COQ8A: variants seen among roughly 807,000 people sequenced by gnomAD.
The protein encoded by COQ8A is atypical kinase COQ8A, mitochondrial.
A neutral mutation model predicts 65.0 loss-of-function variants in COQ8A; 51 were observed. That is an observed-to-expected ratio of 0.78 (90% CI 0.63 to 0.99). The LOEUF (loss-of-function observed/expected upper bound fraction) is 0.99. Ranked by LOEUF, COQ8A falls within the 50% of genes least tolerant of loss-of-function variation. COQ8A has a pLI of 0.00. For synonymous variants in COQ8A, 371 were observed against 353.2 expected, an observed-to-expected ratio of 1.05 and a Z score of -0.57; for missense variants, 940 against 875.0, an observed-to-expected ratio of 1.07 and a Z score of -0.94.
chr1:226,947,523 G>T (rs187041545), intron 1 of COQ8A, among the ~76,000 whole-genome samples: 5 of 152,240 alleles, frequency 3.3e-5, no homozygotes, highest in Non-Finnish European at 7.4e-5. Context: ...ATATAAAACC[G>T]AGGCCAGGCA....
Position 226,983,039 on chromosome 1 carries a change from G to A in COQ8A, c.1080+5G>A, listed in dbSNP as rs765243814. ...GAGGTGGCCATGAAGATCCAGGTAG[G>A]CGGCCTGATGCGCAGTGCCTGTCCC... On this transcript the variant is annotated splice_donor_5th_base_variant and intron_variant, in intron 8 of 14. Transcript: ENST00000366777. The A allele has an allele frequency of 3.2e-6, 5 of 1,577,950 alleles. No individual in the cohort carries two copies. The highest frequency in any genetic ancestry group is 3.6e-5 in the Admixed American group (2 of 55,080).
intron 4 of COQ8A, among the ~76,000 whole-genome samples, chr1:226,976,574 C>G (rs1659250925): frequency 6.6e-6 from 1 of 152,316 alleles, no homozygotes; most frequent in East Asian, 1.9e-4. Flanking sequence ...TTCTGCTCAC[C>G]CATGCCTACC....
chr1:226,955,874 A>C (rs972145649), intron 1 of COQ8A, among the ~76,000 whole-genome samples: 2 of 58,842 alleles, frequency 3.4e-5, no homozygotes, highest in African/African-American at 7.4e-5. Flanking sequence ...TCCCTGGTTC[A>C]CACTCTCCCT....
At chr1:226,964,111 G>A (rs1053298136) in intron 2 of COQ8A, among the ~76,000 whole-genome samples, 9 of 152,320 alleles carry the variant, frequency 5.9e-5, no homozygotes, top group African/African-American at 1.9e-4. Flanking sequence ...CAGAACGTGA[G>A]GCTTGGGTAT....
At chr1:226,968,066 A>T (rs1355778133) in intron 4 of COQ8A, among the ~76,000 whole-genome samples, 2 of 152,202 alleles carry the variant, frequency 1.3e-5, no homozygotes, top group Non-Finnish European at 1.5e-5. Context: ...ATAAAAAACA[A>T]GTTAACTGTA....
At chr1:226,953,649 G>A (rs1356602340) in intron 1 of COQ8A, among the ~76,000 whole-genome samples, 2 of 152,158 alleles carry the variant, frequency 1.3e-5, no homozygotes, top group South Asian at 2.1e-4. Context: ...GGGGAAGGAC[G>A]GAGGCTTTTT....
chr1:226,953,509 A>AAGCACAT (rs1179549438), intron 1 of COQ8A, among the ~76,000 whole-genome samples: 1 of 152,130 alleles, frequency 6.6e-6, no homozygotes, highest in Non-Finnish European at 1.5e-5. Flanking sequence ...GGGAGAGGGG[A>AAGCACAT]CTTCCTGGAA....
chr1:226,971,928 A>G (rs933758022), intron 4 of COQ8A, among the ~76,000 whole-genome samples: 5 of 152,186 alleles, frequency 3.3e-5, no homozygotes, highest in African/African-American at 1.2e-4. Flanking sequence ...CAAATACTGT[A>G]TCTGTACTAT....
chr1:226,953,445 G>A (rs1657511343), intron 1 of COQ8A, among the ~76,000 whole-genome samples: 1 of 152,222 alleles, frequency 6.6e-6, no homozygotes, highest in Non-Finnish European at 1.5e-5. Context: ...GTTCACATCT[G>A]TTTTTAGGGA....
chr1:226,955,465 G>A (rs1486529009), intron 1 of COQ8A, among the ~76,000 whole-genome samples: 2 of 135,346 alleles, frequency 1.5e-5, no homozygotes, highest in African/African-American at 2.8e-5. Context: ...ACTCTCCCTG[G>A]CTCCTACTCT....
chr1:226,967,363 G>C (rs1658630423), intron 4 of COQ8A, among the ~76,000 whole-genome samples: 1 of 152,110 alleles, frequency 6.6e-6, no homozygotes, highest in Admixed American at 6.5e-5. Context: ...TTTCACTCTA[G>C]ACTCTTGGTG....
chr1:226,978,521 C>CGCAT (rs1361015348), intron 5 of COQ8A, among the ~76,000 whole-genome samples: 20 of 131,350 alleles, frequency 1.5e-4, no homozygotes, highest in Non-Finnish European at 1.8e-4. Context: ...ACCGAACACC[C>CGCAT]ACTGAACACT....
chr1:226,960,337 A>G (rs1361507765), intron 1 of COQ8A, among the ~76,000 whole-genome samples: 1 of 25,050 alleles, frequency 4.0e-5, no homozygotes, highest in Non-Finnish European at 7.4e-5. Flanking sequence ...TATCAGTGGT[A>G]CTTGGTGGTG....
rs1659923432 is a variant in COQ8A at position 226,984,193 on chromosome 1, C to G, written c.1356C>G (p.Pro452=). The G allele has an allele frequency of 6.2e-7, 1 of 1,613,840 alleles. No homozygotes were observed. Among genetic ancestry groups the G allele is most frequent in the Non-Finnish European group, 8.5e-7 (1 of 1,180,000 alleles). ...VLTTELVSGF[P]LDQAEGLSQE... ...CCACAGAGCTGGTGTCTGGCTTCCC[C>G]CTGGACCAGGCCGAAGGGCTCAGCC... Residue 452 remains proline, a synonymous_variant, in exon 11 of 15, where the codon CCC becomes CCG. Transcript: ENST00000366777.
intron 4 of COQ8A, among the ~76,000 whole-genome samples, chr1:226,970,354 T>C (rs1465735171): frequency 6.6e-6 from 1 of 152,254 alleles, no homozygotes; most frequent in East Asian, 1.9e-4. Flanking sequence ...ACCTAGATGG[T>C]ATAGCCTGCT....
rs1474965033 is a variant in COQ8A at position 226,965,411 on chromosome 1, G to C, written c.588+1G>C. ...CGAGAACAAGCAGCACAAACAGACG[G>C]TGCGTATGGGAGGCCCCTGGAGGGC... On this transcript the variant is annotated splice_donor_variant, in intron 3 of 14. Coordinates refer to ENST00000366777, the MANE Select transcript of COQ8A (RefSeq NM_020247.5). LOFTEE classifies it high-confidence loss of function. 3.1e-6 allele frequency: 5 copies of C among 1,607,498 alleles called. No homozygotes were observed. Among genetic ancestry groups the C allele is most frequent in the Non-Finnish European group, 3.4e-6 (4 of 1,178,278 alleles).
At chr1:226,971,687 TTTGA>T (rs1206220454) in intron 4 of COQ8A, among the ~76,000 whole-genome samples, 5 of 152,270 alleles carry the variant, frequency 3.3e-5, no homozygotes, top group Non-Finnish European at 2.9e-5. Flanking sequence ...GTTTTCTTAC[TTTGA>T]TTGTTTTTTT....
intron 14 of COQ8A, among the ~76,000 whole-genome samples, chr1:226,986,212 C>T (rs1443349163): frequency 1.3e-5 from 2 of 152,216 alleles, no homozygotes; most frequent in South Asian, 2.1e-4. Flanking sequence ...CGAGGCGGGA[C>T]GCATCCTCTG....
intron 1 of COQ8A, among the ~76,000 whole-genome samples, chr1:226,944,637 G>A (rs985119157): frequency 6.7e-6 from 1 of 149,152 alleles, no homozygotes; most frequent in South Asian, 2.2e-4. Context: ...AGAGGGCCAG[G>A]GGTGGGGGCT....
Sources: allele counts gnomAD v4.1 joint callset (sites outside exome capture counted in the v4.1 genomes callset), GRCh38; gene constraint gnomAD v4.1.1; transcripts MANE v1.5; gene names NCBI Gene and HGNC (gene_info 2026-07-23, HGNC 2026-07-21).